The following CSMD1 variants were observed in gnomAD, a reference collection of about 807,000 sequenced individuals.
CSMD1 encodes the protein CUB and sushi domain-containing protein 1.
A neutral mutation model predicts 417.5 loss-of-function variants in CSMD1; 213 were observed. The observed-to-expected ratio is 0.51, with a 90% CI of 0.46 to 0.57. CSMD1 has a LOEUF of 0.57. CSMD1 is among the 20% of genes least tolerant of loss of function. CSMD1 has a pLI of 0.00. For missense variants in CSMD1, 6,923 were observed against 4,529.7 expected (o/e 1.53, Z -15.17); for synonymous variants, 2,862 against 1,736.8 (o/e 1.65, Z -16.11).
At chr8:3,149,608 G>C (rs1440790383) in intron 40 of CSMD1, among the ~76,000 whole-genome samples, 2 of 152,182 alleles carry the variant, frequency 1.3e-5, no homozygotes, top group East Asian at 1.9e-4. Flanking sequence ...CTCCCAAGTA[G>C]TTGGGATTAC....
At chr8:4,113,113 C>G (rs978737908) in intron 3 of CSMD1, among the ~76,000 whole-genome samples, 2 of 152,112 alleles carry the variant, frequency 1.3e-5, no homozygotes, top group African/African-American at 4.8e-5. Context: ...GGTGTGTGTT[C>G]TTACTGTTCC....
At chr8:4,603,168 T>C (rs565343427) in intron 2 of CSMD1, among the ~76,000 whole-genome samples, 1 of 152,132 alleles carries the variant, frequency 6.6e-6, no homozygotes, top group African/African-American at 2.4e-5. Context: ...TAAGAAAATA[T>C]CAGTTCTAAT....
chr8:4,670,965 C>G (rs889172436), intron 1 of CSMD1, among the ~76,000 whole-genome samples: 3 of 152,174 alleles, frequency 2.0e-5, no homozygotes, highest in Non-Finnish European at 4.4e-5. Context: ...GACATCCATG[C>G]TATCTCCTGA....
intron 7 of CSMD1, among the ~76,000 whole-genome samples, chr8:3,646,320 T>C (rs1246235741): frequency 6.6e-6 from 1 of 152,182 alleles, no homozygotes; most frequent in East Asian, 1.9e-4. Context: ...TACTAAAATA[T>C]AGAAGATATT....
intron 3 of CSMD1, among the ~76,000 whole-genome samples, chr8:4,398,683 T>C (rs986892968): frequency 1.5e-4 from 23 of 152,210 alleles, no homozygotes; most frequent in East Asian, 3.9e-4. Flanking sequence ...GCATGAGCCA[T>C]CACACCCGGC....
chr8:4,180,647 C>T (rs951280750), intron 3 of CSMD1, among the ~76,000 whole-genome samples: 1 of 151,970 alleles, frequency 6.6e-6, no homozygotes, highest in South Asian at 2.1e-4. Flanking sequence ...AAAAGAAGTT[C>T]TAATCCTGCC....
At chr8:2,977,280 G>A (rs1805008388) in intron 55 of CSMD1, among the ~76,000 whole-genome samples, 1 of 151,956 alleles carries the variant, frequency 6.6e-6, no homozygotes, top group African/African-American at 2.4e-5. Flanking sequence ...CTACTGACAG[G>A]CCTCAGTGAG....
At chr8:3,098,415 T>C (rs186701742) in intron 46 of CSMD1, among the ~76,000 whole-genome samples, 2 of 152,318 alleles carry the variant, frequency 1.3e-5, no homozygotes, top group Admixed American at 1.3e-4. Flanking sequence ...TCCATTTATC[T>C]TAGCATTCTA....
At chr8:3,905,399 A>G (rs1808046702) in intron 5 of CSMD1, among the ~76,000 whole-genome samples, 2 of 152,208 alleles carry the variant, frequency 1.3e-5, no homozygotes, top group Admixed American at 6.5e-5. Context: ...AATACTGGTA[A>G]GGCCACAATT....
chr8:3,964,982 C>G (rs1239157131), intron 5 of CSMD1, among the ~76,000 whole-genome samples: 1 of 152,114 alleles, frequency 6.6e-6, no homozygotes, highest in East Asian at 1.9e-4. Flanking sequence ...TCACAGCAAA[C>G]TCTCTAGGCC....
chr8:3,757,931 T>C (rs186422625), intron 5 of CSMD1, among the ~76,000 whole-genome samples: 2 of 152,134 alleles, frequency 1.3e-5, no homozygotes, highest in Admixed American at 1.3e-4. Context: ...AGCAGCCTAG[T>C]GTAATTCAGG....
At chr8:3,960,031 G>A (rs910692941) in intron 5 of CSMD1, among the ~76,000 whole-genome samples, 1 of 152,216 alleles carries the variant, frequency 6.6e-6, no homozygotes, top group Admixed American at 6.5e-5. Flanking sequence ...TTTGCAAGGA[G>A]CCTTCTGGGC....
intron 5 of CSMD1, among the ~76,000 whole-genome samples, chr8:3,954,566 A>G (rs1464525850): frequency 3.9e-5 from 6 of 152,164 alleles, no homozygotes; most frequent in African/African-American, 9.7e-5. Context: ...ACGGGGTTTC[A>G]CCGTGTTGCT....
intron 1 of CSMD1, among the ~76,000 whole-genome samples, chr8:4,805,838 G>A (rs181536697): frequency 4.6e-5 from 7 of 152,288 alleles, no homozygotes; most frequent in African/African-American, 1.4e-4. Context: ...GAAAGTGGAA[G>A]CTCATTGTGG....
At chr8:3,760,136 G>A (rs1797911978) in intron 5 of CSMD1, among the ~76,000 whole-genome samples, 1 of 152,056 alleles carries the variant, frequency 6.6e-6, no homozygotes, top group Non-Finnish European at 1.5e-5. Context: ...GGCTGAGAAA[G>A]GGTCTTCTTA....
rs376214281 is a variant in CSMD1, at chr8:3,485,538, C to CACACACACAG, written c.1448+8084_1448+8085insCTGTGTGTGT. Among the ~76,000 whole-genome samples, 87 of 135,004 alleles carry CACACACACAG rather than the reference C, an allele frequency of 6.4e-4. 1 individual carries two copies. The highest frequency in any genetic ancestry group is 3.7e-3 in the Middle Eastern group (1 of 268). 88.6% of individuals were successfully genotyped at this position (135,004 alleles called of 152,430 possible). On this transcript the variant is annotated intron_variant, in intron 11 of 69. Transcript: ENST00000635120. ...AACTTCATAACAATACACACACACA[C>CACACACACAG]AGAGAGAGAGAGAGAGAGAGAGAGA...
intron 7 of CSMD1, among the ~76,000 whole-genome samples, chr8:3,654,960 T>C (rs1798031321): frequency 6.6e-6 from 1 of 152,200 alleles, no homozygotes; most frequent in African/African-American, 2.4e-5. Flanking sequence ...TGGAGCCTGA[T>C]GCATCTCAAA....
rs188057444 is a variant in CSMD1, at chr8:4,719,425, T to A, written c.86-81867A>T. 3.7e-3 allele frequency among the ~76,000 whole-genome samples: 565 copies of A among 152,282 alleles called. 2 individuals carry two copies. The highest frequency in any genetic ancestry group is 0.012 in the African/African-American group (502 of 41,570). ...ATAATTCTCTGTTGCATTAAAAGCATCATTATAAGTCTCAGGCATTTGCTG... is the reference window on the plus strand; with the variant it reads ...ATAATTCTCTGTTGCATTAAAAGCAACATTATAAGTCTCAGGCATTTGCTG... On this transcript the variant is annotated intron_variant, in intron 1 of 69. Transcript: ENST00000635120.
At chr8:4,921,426 ATTT>A (rs1331799213) in intron 1 of CSMD1, among the ~76,000 whole-genome samples, 2 of 152,214 alleles carry the variant, frequency 1.3e-5, no homozygotes, top group African/African-American at 4.8e-5. Context: ...GGGAGTTTAT[ATTT>A]TTAAGATCAT....
Sources: gnomAD v4.1 joint callset for allele counts (sites outside exome capture counted in the v4.1 genomes callset) on GRCh38, gnomAD v4.1.1 for gene constraint, MANE v1.5 for transcripts, NCBI Gene and HGNC (gene_info 2026-07-23, HGNC 2026-07-21) for gene names.